Variants in MCM3AP observed in about 807,000 individuals in gnomAD.
MCM3AP encodes the protein minichromosome maintenance complex component 3 associated protein.
MCM3AP carries 126 observed loss-of-function variants against 184.1 expected under a neutral mutation model. The observed-to-expected ratio is 0.68, with a 90% CI of 0.59 to 0.79. The LOEUF is 0.79. Ranked by LOEUF, MCM3AP falls within the 30% of genes least tolerant of loss-of-function variation. MCM3AP has a pLI of 0.00. For missense variants in MCM3AP, 2,496 were observed against 2,479.2 expected, an observed-to-expected ratio of 1.01 and a Z score of -0.14; for synonymous variants, 1,002 against 979.3, an observed-to-expected ratio of 1.02 and a Z score of -0.43.
chr21:46,270,316 GA>G lies in MCM3AP; in HGVS notation c.2628+84del. On this transcript the variant is annotated intron_variant, in intron 9 of 27. Transcript: ENST00000291688. ...ACAGCATCAGCCTGAGACCTCCTTT[GA>G]AAAGCTTGGAATAAGAAAGCACCCA... The G allele has an allele frequency of 6.6e-6, 9 of 1,359,028 alleles. No individual in the cohort carries two copies. In the South Asian group the frequency reaches 1.3e-4, roughly 19 times the overall value. The allele number at this position is 1,359,028 out of a possible 1,614,324, so 84.2% of individuals were successfully genotyped here. A position where few individuals can be genotyped will look rare whatever the true frequency, so the allele number is the denominator to read the frequency against.
rs530831994 is a variant in MCM3AP at position 46,257,402 on chromosome 21, G to C, written c.3735-416C>G. ...AGGCAGGAGAATCCCTTGAACCCAG[G>C]AGGTGGAGGTTGCAGTGAGCCGAGA... On this transcript the variant is annotated intron_variant, in intron 16 of 27. Coordinates refer to ENST00000291688, the MANE Select transcript of MCM3AP (RefSeq NM_003906.5). Among the ~76,000 whole-genome samples, 32 of 146,386 alleles carry C rather than the reference G, an allele frequency of 2.2e-4. No individual in the cohort carries two copies. In the South Asian group the frequency reaches 6.3e-3, roughly 29 times the overall value.
At chr21:46,272,529 C>T (rs1193644678) in intron 8 of MCM3AP, 32 bp downstream of exon 8, 1 of 1,602,632 alleles carries the variant, frequency 6.2e-7, no homozygotes, top group East Asian at 2.2e-5. Context: ...TTTTCAGCCA[C>T]CTTAGGACAA....
chr21:46,284,983 A>G lies in MCM3AP; in HGVS notation c.304T>C (p.Ser102Pro). ...TFVATSGPSS[S>P]SVLGNTGFSF... ...AATCCTGTGTTTCCCAGCACAGATG[A>G]ACTTGAAGGCCCAGAGGTAGCCACA... Residue 102 changes from serine to proline, a missense_variant, in exon 1 of 28, where the codon TCA becomes CCA. Ser to Pro is a moderately conservative substitution (Grantham distance 74, BLOSUM62 -1). This residue lies in a region of MCM3AP where 800 missense variants were observed against 717.1 expected (regional missense o/e 1.12). Transcript: ENST00000291688. The G allele has an allele frequency of 6.2e-7, 1 of 1,614,172 alleles. No individual in the cohort carries two copies. Among genetic ancestry groups the G allele is most frequent in the South Asian group, 1.1e-5 (1 of 91,084 alleles).
chr21:46,280,025 C>A lies in MCM3AP; in HGVS notation c.1635G>T (p.Gly545=). Residue 545 remains glycine, a synonymous_variant, in exon 4 of 28, where the codon GGG becomes GGT. Coordinates refer to ENST00000291688, the MANE Select transcript of MCM3AP (RefSeq NM_003906.5). ...TCAGGAGGCTGCTAGCACCAGTCCT[C>A]CCTGCGGCCTTGCCAAGAGGAGAGT... ...FQHSPLGKAA[G]RTGASSLLNK... 1 of 1,614,076 alleles carries A rather than the reference C, an allele frequency of 6.2e-7. No homozygotes were observed. Among genetic ancestry groups the A allele is most frequent in the Non-Finnish European group, 8.5e-7 (1 of 1,179,992 alleles).
At chr21:46,271,041 A>C (rs758086459) in intron 8 of MCM3AP, among the ~76,000 whole-genome samples, 8 of 152,278 alleles carry the variant, frequency 5.3e-5, no homozygotes, top group Non-Finnish European at 8.8e-5. Context: ...TAAAGTCTAA[A>C]AAACAGAAAA....
chr21:46,271,459 G>A (rs1466441176), intron 8 of MCM3AP, among the ~76,000 whole-genome samples: 4 of 151,722 alleles, frequency 2.6e-5, no homozygotes, highest in Admixed American at 6.6e-5. Flanking sequence ...CTCCCCAGTC[G>A]CTGGAACTAC....
Position 46,235,235 on chromosome 21 carries a change from C to G in MCM3AP, c.*33G>C, listed in dbSNP as rs377688425. Reference sequence around the variant, plus strand: ...ATTTTGAGTAAAAACAGAAACTCTTCGGGAGAGACCCCCTCCCCACAGGTC... The same window carrying G: ...ATTTTGAGTAAAAACAGAAACTCTTGGGGAGAGACCCCCTCCCCACAGGTC... On this transcript the variant is annotated 3_prime_UTR_variant, in exon 28 of 28. Transcript: ENST00000291688. 2 of 1,607,406 alleles carry G rather than the reference C, an allele frequency of 1.2e-6. No homozygotes were observed. The highest frequency in any genetic ancestry group is 1.7e-6 in the Non-Finnish European group (2 of 1,174,836).
In MCM3AP at chr21:46,280,033, C is replaced by T; in HGVS notation, c.1627G>A (p.Ala543Thr). The T allele has an allele frequency of 2.5e-6, 4 of 1,614,112 alleles. No homozygotes were observed. Among genetic ancestry groups the T allele is most frequent in the Non-Finnish European group, 3.4e-6 (4 of 1,179,992 alleles). ...CTGCTAGCACCAGTCCTCCCTGCGGCCTTGCCAAGAGGAGAGTGCTGAAAG... is the reference window on the plus strand; with the variant it reads ...CTGCTAGCACCAGTCCTCCCTGCGGTCTTGCCAAGAGGAGAGTGCTGAAAG... Reference protein sequence around the residue: ...APFQHSPLGKAAGRTGASSLL... With the variant: ...APFQHSPLGKTAGRTGASSLL... The change falls in exon 4 of 28, where the codon GCC becomes ACC. Residue 543 changes from alanine to threonine, a missense_variant. Transcript: ENST00000291688.
rs746565341 is a variant in MCM3AP at position 46,258,940 on chromosome 21, G to A, written c.3733C>T (p.Arg1245Trp). ...TGCCTGTAGGAACACAGGACTCACC[G>A]CTGTAGATACTTGCAGAAGCACTGA... is the stretch of plus-strand genomic sequence containing the variant. ...ELQCFCKYLQ[R>W]WREAVTARKK... Residue 1245 changes from arginine to tryptophan, a missense_variant and splice_region_variant, in exon 16 of 28, where the codon CGG (arginine) becomes TGG (tryptophan). Around this residue, in one of 5 missense-constraint regions of MCM3AP, gnomAD observed 1,323 missense variants for 1,273.4 expected, o/e 1.04. Transcript: ENST00000291688. 23 of 1,614,014 alleles carry A rather than the reference G, an allele frequency of 1.4e-5. No homozygotes were observed. The highest frequency in any genetic ancestry group is 6.7e-5 in the African/African-American group (5 of 75,044).
chr21:46,277,907 T>A (rs1049172834), intron 4 of MCM3AP, among the ~76,000 whole-genome samples, 190 bp from the exon 5 acceptor site: 1 of 152,214 alleles, frequency 6.6e-6, no homozygotes. Flanking sequence ...CATTACTCAC[T>A]GACTTTAATA....
At chr21:46,281,771 T>C (rs1236243351) in intron 2 of MCM3AP, among the ~76,000 whole-genome samples, 1 of 151,392 alleles carries the variant, frequency 6.6e-6, no homozygotes, top group East Asian at 1.9e-4. Context: ...GAGGCCAAGG[T>C]GCGTGGAACA....
chr21:46,279,219 C>T (rs2081294391), intron 4 of MCM3AP, among the ~76,000 whole-genome samples: 1 of 151,644 alleles, frequency 6.6e-6, no homozygotes, highest in South Asian at 2.1e-4. Context: ...ACCCAGGAGG[C>T]AGAGGTTGCA....
chr21:46,256,048 G>C (rs1396557805), intron 17 of MCM3AP, among the ~76,000 whole-genome samples: 1 of 152,224 alleles, frequency 6.6e-6, no homozygotes, highest in Non-Finnish European at 1.5e-5. Flanking sequence ...TGATGACCAG[G>C]AGGAGGACAA....
At chr21:46,272,382 T>C (rs980539760) in intron 8 of MCM3AP, among the ~76,000 whole-genome samples, 179 bp downstream of exon 8, 3 of 152,194 alleles carry the variant, frequency 2.0e-5, no homozygotes, top group African/African-American at 4.8e-5. Context: ...CCCATCGCTC[T>C]TCCCCCAGCT....
At position 46,245,098 on chromosome 21, in the gene MCM3AP, C is replaced by T. The variant is rs1569054578; in HGVS notation, c.4747G>A (p.Glu1583Lys). Residue 1583 changes from glutamate to lysine, a missense_variant, in exon 23 of 28, where the codon GAG (glutamate) becomes AAG (lysine). Transcript: ENST00000291688. ...IQYVEDGIGH[E>K]FSGRFFHDRR... is the part of the protein sequence containing the mutation. ...TCATGGAAAAAGCGGCCACTAAACT[C>T]ATGGCCAATCCCGTCTTCGACGTAC... is the stretch of plus-strand genomic sequence containing the variant. 6.2e-7 allele frequency: 1 copy of T among 1,614,230 alleles called. No individual in the cohort carries two copies. Among genetic ancestry groups the T allele is most frequent in the East Asian group, 2.2e-5 (1 of 44,894 alleles).
chr21:46,269,812 C>T (rs568816148), intron 9 of MCM3AP, among the ~76,000 whole-genome samples: 1 of 152,344 alleles, frequency 6.6e-6, no homozygotes, highest in African/African-American at 2.4e-5. Context: ...CATGCAGGGC[C>T]TAGAACAGCA....
chr21:46,272,154 C>T (rs1385609567), intron 8 of MCM3AP, among the ~76,000 whole-genome samples: 2 of 152,102 alleles, frequency 1.3e-5, no homozygotes, highest in Non-Finnish European at 2.9e-5. Context: ...TTTTGTTTTA[C>T]ATAATTTTTT....
In MCM3AP at chr21:46,283,758, C is replaced by A; in HGVS notation, c.1300G>T (p.Val434Phe). 6.2e-7 allele frequency: 1 copy of A among 1,614,172 alleles called. No individual in the cohort carries two copies. Among genetic ancestry groups the A allele is most frequent in the Non-Finnish European group, 8.5e-7 (1 of 1,180,012 alleles). The change falls in exon 2 of 28, where the codon GTC (valine) becomes TTC (phenylalanine). Residue 434 changes from valine to phenylalanine, a missense_variant. Physicochemically the swap from Val to Phe is conservative, Grantham distance 50. Coordinates refer to ENST00000291688, the MANE Select transcript of MCM3AP (RefSeq NM_003906.5). ...ATGTTCTTGCACTGGATGGCTGTGA[C>A]TTCAGAGGGAGACAAGCCCCCAAGA... ...DSLGGLSPSE[V>F]TAIQCKNIPD...
chr21:46,277,727 A>G lies in MCM3AP; in HGVS notation c.1668-10T>C, dbSNP rs770765521. 6.5e-7 allele frequency: 1 copy of G among 1,540,142 alleles called. No homozygotes were observed. Among genetic ancestry groups the G allele is most frequent in the South Asian group, 1.2e-5 (1 of 82,136 alleles). Reference sequence around the variant, plus strand: ...CTTCTTCACTGGAGAGCTATAAAGTAAACACCACACTGAGGGCCCTCGTCC... The same window carrying G: ...CTTCTTCACTGGAGAGCTATAAAGTGAACACCACACTGAGGGCCCTCGTCC... On this transcript the variant is annotated splice_polypyrimidine_tract_variant and intron_variant, in intron 4 of 27. Coordinates refer to ENST00000291688, the MANE Select transcript of MCM3AP (RefSeq NM_003906.5).
Sources: gnomAD v4.1 joint callset for allele counts (sites outside exome capture counted in the v4.1 genomes callset) on GRCh38, gnomAD v4.1.1 for gene constraint, gnomAD v4.1.1 regional missense constraint, MANE v1.5 for transcripts, NCBI Gene and HGNC (gene_info 2026-07-23, HGNC 2026-07-21) for gene names.